CXCL12: variants seen among roughly 807,000 people sequenced by gnomAD.
CXCL12 encodes C-X-C motif chemokine ligand 12.
In CXCL12, 4 loss-of-function variants were observed where a neutral mutation model predicts 10.7. That is an observed-to-expected ratio of 0.37 (90% CI 0.18 to 0.86). CXCL12 has a LOEUF of 0.86. Ranked by LOEUF, CXCL12 falls within the 40% of genes least tolerant of loss-of-function variation. The pLI is 0.43. For synonymous variants in CXCL12, 54 were observed against 45.4 expected, an observed-to-expected ratio of 1.19 and a Z score of -0.77; for missense variants, 122 against 110.4, an observed-to-expected ratio of 1.10 and a Z score of -0.47.
Position 44,377,715 on chromosome 10 carries a change from A to T in CXCL12, c.*918T>A. On this transcript the variant is annotated 3_prime_UTR_variant, in exon 3 of 3. Coordinates refer to ENST00000343575, the MANE Select transcript of CXCL12 (RefSeq NM_199168.4). ...ATTTAAAATTGCATTTGATTCTGTAAAGACTTGTCTTTTGCGGGTAAGCAG... is the reference window on the plus strand; with the variant it reads ...ATTTAAAATTGCATTTGATTCTGTATAGACTTGTCTTTTGCGGGTAAGCAG... 6.3e-7 allele frequency: 1 copy of T among 1,598,084 alleles called. No individual in the cohort carries two copies. The highest frequency in any genetic ancestry group is 8.5e-7 in the Non-Finnish European group (1 of 1,179,728).
At chr10:44,381,763 G>T (rs536942210) in intron 1 of CXCL12, among the ~76,000 whole-genome samples, 1 of 152,132 alleles carries the variant, frequency 6.6e-6, no homozygotes, top group African/African-American at 2.4e-5. Flanking sequence ...TTTTTTCCTT[G>T]AAGATTTTAT....
chr10:44,383,609 C>CTGG (rs759096856), intron 1 of CXCL12, among the ~76,000 whole-genome samples: 1 of 18,248 alleles, frequency 5.5e-5, no homozygotes, highest in Admixed American at 7.1e-4. Flanking sequence ...CCATGACTTG[C>CTGG]GGGGGGGGGG....
In CXCL12 at chr10:44,385,027, GGGC is replaced by G. The variant is rs1839764522; in HGVS notation, c.-25_-23del. 1 of 1,434,386 alleles carries G rather than the reference GGGC, an allele frequency of 7.0e-7. No individual in the cohort carries two copies. The highest frequency in any genetic ancestry group is 1.5e-5 in the African/African-American group (1 of 67,132). 88.9% of individuals were successfully genotyped at this position (1,434,386 alleles called of 1,614,324 possible). On this transcript the variant is annotated 5_prime_UTR_variant, in exon 1 of 3. Transcript: ENST00000343575. ...TCATGGCGCGGGCGGGCGGGCGGGC[GGGC>G]GGACGAGCGCGGGTCGGGGGCCGGA...
At chr10:44,383,508 G>A (rs1839696805) in intron 1 of CXCL12, among the ~76,000 whole-genome samples, 1 of 147,016 alleles carries the variant, frequency 6.8e-6, no homozygotes, top group African/African-American at 2.5e-5. Flanking sequence ...TGACACCTCC[G>A]CGCTCATCCC....
At chr10:44,370,367 G>A (rs1839286290) in exon 4 of CXCL12, 2 of 152,596 alleles carry the variant, frequency 1.3e-5, no homozygotes, top group Non-Finnish European at 2.9e-5. Context: ...ACAAAATACA[G>A]TATTCATCAC....
chr10:44,374,458 G>C (rs189476931), downstream of CXCL12: 18 of 456,086 alleles, frequency 3.9e-5, no homozygotes, highest in East Asian at 1.1e-3. Flanking sequence ...AAGAGGTGGG[G>C]AGGGCAGAAG....
At chr10:44,380,522 A>G (rs950037111) in intron 2 of CXCL12, 2 of 502,066 alleles carry the variant, frequency 4.0e-6, no homozygotes, top group African/African-American at 1.9e-5. Flanking sequence ...ACAGGTTTGG[A>G]AAGAAGAGAG....
intron 1 of CXCL12, 65 bp downstream of exon 1, chr10:44,384,880 G>A: frequency 6.8e-7 from 1 of 1,470,836 alleles, no homozygotes; most frequent in Non-Finnish European, 9.1e-7. Context: ...AGGAGCCGCG[G>A]CTCTGCGCCG....
In CXCL12 at chr10:44,378,551, C is replaced by CG; in HGVS notation, c.*81_*82insC. On this transcript the variant is annotated 3_prime_UTR_variant, in exon 3 of 3. Transcript: ENST00000343575. ...TCCTCATGGTTAAGGCCCCCTCCCC[C>CG]ACGTCTTTGCCCTTTCATCTCTCAC... 3 of 1,604,548 alleles carry CG rather than the reference C, an allele frequency of 1.9e-6. No homozygotes were observed. The highest frequency in any genetic ancestry group is 1.7e-6 in the Non-Finnish European group (2 of 1,174,290).
downstream of CXCL12, chr10:44,373,255 T>C: frequency 6.4e-7 from 1 of 1,573,910 alleles, no homozygotes; most frequent in Non-Finnish European, 8.6e-7. Flanking sequence ...GGGGAGGCTG[T>C]GGCAGGCCCT....
At chr10:44,378,757 C>A (rs762395468) in intron 2 of CXCL12, 34 bp from the exon 3 acceptor site, 1 of 1,610,900 alleles carries the variant, frequency 6.2e-7, no homozygotes, top group East Asian at 2.2e-5. Context: ...TGTGCGGCTG[C>A]ACAGGAGGAA....
At chr10:44,379,604 C>T (rs964261713) in intron 2 of CXCL12, among the ~76,000 whole-genome samples, 10 of 152,204 alleles carry the variant, frequency 6.6e-5, no homozygotes, top group South Asian at 4.2e-4. Context: ...GGGTGTGGCT[C>T]GGAGCAACCC....
chr10:44,372,219 C>T (rs926809210), downstream of CXCL12: 1 of 152,366 alleles, frequency 6.6e-6, no homozygotes, highest in Non-Finnish European at 1.5e-5. Context: ...GGGCTTGGCC[C>T]TAGTTTGAAG....
chr10:44,375,812 A>C, downstream of CXCL12: 1 of 1,508,420 alleles, frequency 6.6e-7, no homozygotes. Flanking sequence ...GCAGCAAAGC[A>C]CTGCTCCCCC....
chr10:44,374,218 T>C, downstream of CXCL12: 1 of 347,194 alleles, frequency 2.9e-6, no homozygotes, highest in Non-Finnish European at 5.7e-6. Flanking sequence ...AGCTGGGCCC[T>C]CTGTCCCTAG....
chr10:44,381,092 G>A (rs1472201300), intron 1 of CXCL12, among the ~76,000 whole-genome samples: 2 of 152,208 alleles, frequency 1.3e-5, no homozygotes, highest in East Asian at 3.8e-4. Flanking sequence ...ACAGGGCAAG[G>A]AGCCCAACAG....
downstream of CXCL12, chr10:44,372,674 T>C (rs1163489961): frequency 3.6e-6 from 5 of 1,408,196 alleles, no homozygotes; most frequent in Non-Finnish European, 4.6e-6. Context: ...TGATGATGGA[T>C]GAGACAGAGA....
downstream of CXCL12, chr10:44,376,034 T>G (rs751564681): frequency 1.2e-6 from 2 of 1,608,820 alleles, no homozygotes; most frequent in Non-Finnish European, 1.7e-6. Context: ...CTGCGCCCCC[T>G]TAGATAAAAT....
Position 44,385,053 on chromosome 10 carries a change from G to A in CXCL12, c.-48C>T, listed in dbSNP as rs1564465805. ...GGCGGACGAGCGCGGGTCGGGGGCC[G>A]GACGCCGAGCGGGCAATGCGGCTGA... is the stretch of plus-strand genomic sequence containing the variant. On this transcript the variant is annotated 5_prime_UTR_variant, in exon 1 of 3. Transcript: ENST00000343575. The A allele has an allele frequency of 3.7e-6, 5 of 1,366,876 alleles. No individual in the cohort carries two copies. Among genetic ancestry groups the A allele is most frequent in the Non-Finnish European group, 3.9e-6 (4 of 1,034,296 alleles). 84.7% of individuals were successfully genotyped at this position (1,366,876 alleles called of 1,614,324 possible). A position where few individuals can be genotyped will look rare whatever the true frequency, so the allele number is the denominator to read the frequency against.
Sources: allele counts gnomAD v4.1 joint callset (sites outside exome capture counted in the v4.1 genomes callset), GRCh38; gene constraint gnomAD v4.1.1; transcripts MANE v1.5; gene names NCBI Gene and HGNC (gene_info 2026-07-23, HGNC 2026-07-21).